LRIG2: variants seen among roughly 807,000 people sequenced by gnomAD.
The protein encoded by LRIG2 is leucine rich repeats and immunoglobulin like domains 2.
LRIG2 carries 93 observed loss-of-function variants against 107.8 expected under a neutral mutation model. The observed-to-expected ratio is 0.86, with a 90% CI of 0.73 to 1.03. The LOEUF (loss-of-function observed/expected upper bound fraction) is 1.03. LRIG2 is among the 50% of genes least tolerant of loss of function. The pLI is 0.00. For missense variants in LRIG2, 1,226 were observed against 1,296.0 expected (o/e 0.95, Z 0.83); for synonymous variants, 471 against 470.6 (o/e 1.00, Z -0.01).
Position 113,095,895 on chromosome 1 carries a change from T to TA in LRIG2, c.826dup (p.Thr276AsnfsTer25), listed in dbSNP as rs770276962. 1 of 1,614,210 alleles carries TA rather than the reference T, an allele frequency of 6.2e-7. No homozygotes were observed. Among genetic ancestry groups the TA allele is most frequent in the South Asian group, 1.1e-5 (1 of 91,082 alleles). On this transcript the variant is annotated frameshift_variant, in exon 7 of 18. Transcript: ENST00000361127. LOFTEE classifies it high-confidence loss of function. ...GCAGAGAACTGGAACACAACAACCTTACACGAGTAAACAAGGGGTGGTTGT... is the reference window on the plus strand; with the variant it reads ...GCAGAGAACTGGAACACAACAACCTTAACACGAGTAAACAAGGGGTGGTTGT...
chr1:113,118,114 T>A (rs1655093426), intron 16 of LRIG2, among the ~76,000 whole-genome samples: 1 of 152,054 alleles, frequency 6.6e-6, no homozygotes, highest in Non-Finnish European at 1.5e-5. Flanking sequence ...AGATGGGGTT[T>A]CACCATATTG....
At chr1:113,102,831 G>A (rs1251661087) in intron 11 of LRIG2, among the ~76,000 whole-genome samples, 1 of 152,104 alleles carries the variant, frequency 6.6e-6, no homozygotes, top group African/African-American at 2.4e-5. Context: ...AGTAGAAGCT[G>A]AGTAATGTTA....
chr1:113,096,352 A>G lies in LRIG2; in HGVS notation c.1078A>G (p.Asn360Asp). 1 of 1,613,448 alleles carries G rather than the reference A, an allele frequency of 6.2e-7. No individual in the cohort carries two copies. Among genetic ancestry groups the G allele is most frequent in the Non-Finnish European group, 8.5e-7 (1 of 1,179,862 alleles). The change falls in exon 8 of 18, where the codon AAT becomes GAT. Residue 360 changes from asparagine to aspartate, a missense_variant. Asn to Asp is a conservative substitution (Grantham distance 23). This residue lies in a region of LRIG2 where 570 missense variants were observed against 550.2 expected (regional missense o/e 1.04). Coordinates refer to ENST00000361127, the MANE Select transcript of LRIG2 (RefSeq NM_014813.3). ...TGATGGTGTATTTAGATTTCTTTCC[A>G]ATCTTCAGACATTGTAAGTATATCC... is the stretch of plus-strand genomic sequence containing the variant. ...IADGVFRFLS[N>D]LQTLDLRNNE...
intron 8 of LRIG2, 65 bp downstream of exon 8, chr1:113,096,430 A>G: frequency 6.6e-7 from 1 of 1,514,532 alleles, no homozygotes; most frequent in South Asian, 1.2e-5. Flanking sequence ...AAAGCAAATT[A>G]ATTAAAACAA....
intron 1 of LRIG2, among the ~76,000 whole-genome samples, chr1:113,088,676 A>G (rs866679546): frequency 6.6e-6 from 1 of 152,206 alleles, no homozygotes; most frequent in Non-Finnish European, 1.5e-5. Context: ...TGCTACACAG[A>G]TGATATTAGC....
At chr1:113,113,211 CAAAAA>C (rs11454182) in intron 14 of LRIG2, among the ~76,000 whole-genome samples, 2 of 136,716 alleles carry the variant, frequency 1.5e-5, no homozygotes, top group African/African-American at 2.7e-5. Flanking sequence ...AAATTTAATA[CAAAAA>C]AAAAAAAAAA....
chr1:113,108,386 G>A (rs1323648120), intron 12 of LRIG2, among the ~76,000 whole-genome samples: 3 of 151,162 alleles, frequency 2.0e-5, no homozygotes, highest in Non-Finnish European at 4.4e-5. Flanking sequence ...ACCATACCTG[G>A]CTAATTTTTG....
At position 113,110,496 on chromosome 1, in the gene LRIG2, T is replaced by C. The variant is rs1294769891; in HGVS notation, c.1732T>C (p.Tyr578His). 1 of 1,613,442 alleles carries C rather than the reference T, an allele frequency of 6.2e-7. No homozygotes were observed. The highest frequency in any genetic ancestry group is 8.5e-7 in the Non-Finnish European group (1 of 1,179,352). ...TGTGAATTTCACAGATGAAGGAAAA[T>C]ATCAGTGTATTGTTACTAATCACTT... Reference protein sequence around the residue: ...FNVNFTDEGKYQCIVTNHFGS... With the variant: ...FNVNFTDEGKHQCIVTNHFGS... Residue 578 changes from tyrosine (Y) to histidine (H), a missense_variant, in exon 13 of 18, where the codon TAT becomes CAT. Tyr to His is a moderately conservative substitution (Grantham distance 83, BLOSUM62 2). This residue lies in a region of LRIG2 where 642 missense variants were observed against 712.2 expected (regional missense o/e 0.90). Transcript: ENST00000361127.
In LRIG2 at chr1:113,124,350, G is replaced by A. The variant is rs1655400403; in HGVS notation, c.*249G>A. The A allele has an allele frequency of 1.7e-5, 9 of 534,182 alleles. No homozygotes were observed. The East Asian group carries it at 3.0e-4, about 18-fold the overall frequency. 33.1% of individuals were successfully genotyped at this position (534,182 alleles called of 1,614,324 possible). On this transcript the variant is annotated 3_prime_UTR_variant, in exon 18 of 18. Transcript: ENST00000361127. ...GGCAGAGGGAAGATACGGGGCAAAT[G>A]TGCTTCCTGATGCTTCCATGGGGAT...
chr1:113,093,254 T>G lies in LRIG2; in HGVS notation c.354T>G (p.Pro118=). ...CAGAAATCCCGTATTTTGGAGAACC[T>G]ACATCTAATATTACTCTACTTTCAT... is the stretch of plus-strand genomic sequence containing the variant. The part of the protein sequence containing the change: ...ELTEIPYFGE[P]TSNITLLSLV... The change falls in exon 3 of 18, where the codon CCT becomes CCG. Residue 118 remains proline, a synonymous_variant. Coordinates refer to ENST00000361127, the MANE Select transcript of LRIG2 (RefSeq NM_014813.3). 6.3e-7 allele frequency: 1 copy of G among 1,597,552 alleles called. No homozygotes were observed.
Position 113,124,012 on chromosome 1 carries a change from G to A in LRIG2, c.3109G>A (p.Ala1037Thr), listed in dbSNP as rs1318791845. ...GGCAGGGAGAGAGCCAGACTGTTCT[G>A]CTTCTTCCATGTCCTGCCACAGGTT... ...GLAGREPDCS[A>T]SSMSCHRLQD... The change falls in exon 18 of 18, where the codon GCT (alanine) becomes ACT (threonine). Residue 1037 changes from alanine to threonine, a missense_variant. By Grantham distance (58) the Ala-to-Thr change is moderately conservative. This residue lies in a region of LRIG2 where 642 missense variants were observed against 712.2 expected (regional missense o/e 0.90). Transcript: ENST00000361127. 6.2e-7 allele frequency: 1 copy of A among 1,614,108 alleles called. No individual in the cohort carries two copies.
In LRIG2 at chr1:113,107,680, T is replaced by G; in HGVS notation, c.1400T>G (p.Val467Gly). 1 of 1,613,428 alleles carries G rather than the reference T, an allele frequency of 6.2e-7. No homozygotes were observed. The highest frequency in any genetic ancestry group is 8.5e-7 in the Non-Finnish European group (1 of 1,179,448). ...WLVDNNFQHS[V>G]NVSCAHPEWL... ...GTTGATAATAACTTTCAACATTCTG[T>G]GAATGTAAGCTGTGCACACCCTGAA... The change falls in exon 12 of 18, where the codon GTG becomes GGG. Residue 467 changes from valine (V) to glycine (G), a missense_variant. Val to Gly is a moderately radical substitution (Grantham distance 109). Transcript: ENST00000361127.
Position 113,073,355 on chromosome 1 carries a change from C to T in LRIG2, c.-52C>T, listed in dbSNP as rs561681811. ...TCTCTGCTGAGCTTCTCCGCCGATCCTCCTTTTCTAGCAGGCAGCTCTTCT... is the reference window on the plus strand; with the variant it reads ...TCTCTGCTGAGCTTCTCCGCCGATCTTCCTTTTCTAGCAGGCAGCTCTTCT... On this transcript the variant is annotated 5_prime_UTR_variant, in exon 1 of 18. Transcript: ENST00000361127. 2.0e-5 allele frequency: 30 copies of T among 1,463,612 alleles called. No individual in the cohort carries two copies. In the Admixed American group the frequency reaches 5.2e-4, roughly 26 times the overall value. The allele number at this position is 1,463,612 out of a possible 1,614,324, so 90.7% of individuals were successfully genotyped here.
At chr1:113,081,815 C>T (rs181836185) in intron 1 of LRIG2, among the ~76,000 whole-genome samples, 3 of 152,294 alleles carry the variant, frequency 2.0e-5, no homozygotes, top group African/African-American at 4.8e-5. Flanking sequence ...CCACTGTGCT[C>T]GGCCTCCAGC....
chr1:113,093,774 A>G (rs1312457120), intron 4 of LRIG2, among the ~76,000 whole-genome samples: 1 of 152,068 alleles, frequency 6.6e-6, no homozygotes, highest in Non-Finnish European at 1.5e-5. Context: ...AAAGTATAAT[A>G]ATAATAAATA....
rs1234841929 is a variant in LRIG2, at chr1:113,100,475, C to T, written c.1300C>T (p.His434Tyr). Residue 434 changes from histidine to tyrosine, a missense_variant, in exon 11 of 18, where the codon CAT (histidine) becomes TAT (tyrosine). His to Tyr is a moderately conservative substitution (Grantham distance 83). Around this residue, in one of 3 missense-constraint regions of LRIG2, gnomAD observed 570 missense variants for 550.2 expected, o/e 1.04. Transcript: ENST00000361127. The stretch of plus-strand genomic sequence containing the variant: ...CCAAGAAAATGCTTTTTCTCAGACT[C>T]ATTTAAAAGAACTGTAAGTAACTTG... ...SIQENAFSQT[H>Y]LKELILNTSS... 1 of 1,507,204 alleles carries T rather than the reference C, an allele frequency of 6.6e-7. No homozygotes were observed. 93.4% of individuals were successfully genotyped at this position (1,507,204 alleles called of 1,614,324 possible).
intron 1 of LRIG2, among the ~76,000 whole-genome samples, chr1:113,077,359 G>A (rs1239141884): frequency 6.6e-6 from 1 of 151,884 alleles, no homozygotes; most frequent in East Asian, 1.9e-4. Flanking sequence ...CCAGGCTGGT[G>A]TCGAACTCCT....
intron 1 of LRIG2, among the ~76,000 whole-genome samples, chr1:113,088,821 C>T (rs755460735): frequency 3.3e-5 from 5 of 152,122 alleles, no homozygotes; most frequent in East Asian, 1.9e-4. Context: ...TATTTTTATA[C>T]GAGTGTATGT....
intron 1 of LRIG2, among the ~76,000 whole-genome samples, chr1:113,089,780 C>T (rs1653718475): frequency 6.7e-6 from 1 of 148,840 alleles, no homozygotes; most frequent in African/African-American, 2.5e-5. Flanking sequence ...ACAACCTCCG[C>T]CTCAAGGGTT....
Sources: allele counts gnomAD v4.1 joint callset (sites outside exome capture counted in the v4.1 genomes callset), GRCh38; gene constraint gnomAD v4.1.1; regional missense constraint gnomAD v4.1.1; transcripts MANE v1.5; gene names NCBI Gene and HGNC (gene_info 2026-07-23, HGNC 2026-07-21).